The following ZNF827 variants were observed in gnomAD, a reference collection of about 807,000 sequenced individuals.
ZNF827 encodes zinc finger protein 827.
ZNF827 carries 13 observed loss-of-function variants against 102.4 expected under a neutral mutation model. The ratio of observed to expected loss-of-function variants is 0.13; its 90% CI spans 0.08 to 0.20. ZNF827 has a LOEUF of 0.20. ZNF827 is among the 10% of genes least tolerant of loss of function. The pLI is 1.00. For synonymous variants in ZNF827, 523 were observed against 536.2 expected (o/e 0.98, Z 0.34); for missense variants, 1,103 against 1,344.4 (o/e 0.82, Z 2.81).
intron 7 of ZNF827, among the ~76,000 whole-genome samples, chr4:145,828,250 TCTGAATCCTCAG>T (rs1316423956): frequency 3.3e-5 from 5 of 152,288 alleles, no homozygotes; most frequent in Non-Finnish European, 5.9e-5. Context: ...AGCCCTTGCT[TCTGAATCCTCAG>T]CTGCCTAGAC....
chr4:145,886,269 T>A, intron 3 of ZNF827, 111 bp from the exon 4 acceptor site: 2 of 1,440,058 alleles, frequency 1.4e-6, no homozygotes, highest in Non-Finnish European at 9.1e-7. Flanking sequence ...AGGGCTGGCC[T>A]TTGTACTGCA....
chr4:145,785,090 G>A (rs1054089243), intron 8 of ZNF827, among the ~76,000 whole-genome samples: 7 of 152,144 alleles, frequency 4.6e-5, no homozygotes, highest in African/African-American at 1.4e-4. Context: ...AAGCAAATAG[G>A]TGTGTAGGAT....
intron 1 of ZNF827, among the ~76,000 whole-genome samples, chr4:145,934,518 G>A (rs1398059486): frequency 6.6e-6 from 1 of 152,248 alleles, no homozygotes; most frequent in Non-Finnish European, 1.5e-5. Context: ...AACAGAAGGA[G>A]CTGGGAAACC....
intron 1 of ZNF827, among the ~76,000 whole-genome samples, chr4:145,907,907 T>C (rs948467503): frequency 6.6e-6 from 1 of 152,248 alleles, no homozygotes; most frequent in Non-Finnish European, 1.5e-5. Context: ...GAATAAATTT[T>C]GTTTCCATGT....
At position 145,902,290 on chromosome 4, in the gene ZNF827, T is replaced by C. The variant is rs1751483321; in HGVS notation, c.969A>G (p.Lys323=). 6.3e-7 allele frequency: 1 copy of C among 1,591,560 alleles called. No individual in the cohort carries two copies. Among genetic ancestry groups the C allele is most frequent in the South Asian group, 1.2e-5 (1 of 86,250 alleles). The change falls in exon 2 of 15, where the codon AAA becomes AAG. Residue 323 remains lysine (K), a synonymous_variant. Transcript: ENST00000508784. This position sits in a 1 kb window ranked among gnomAD's most constrained non-coding sequence, Gnocchi z 4.3. ...GAGGTGGCGGAGTGACTTTTTCTGGTTTCTTCTCTGAAGGCGGGGGCGGTA... is the reference window on the plus strand; with the variant it reads ...GAGGTGGCGGAGTGACTTTTTCTGGCTTCTTCTCTGAAGGCGGGGGCGGTA... ...DPLPPPPSEK[K]PEKVTPPPPP... is the part of the protein sequence containing the mutation.
chr4:145,770,745 T>TA (rs1454580680), intron 11 of ZNF827, among the ~76,000 whole-genome samples: 1 of 152,202 alleles, frequency 6.6e-6, no homozygotes, highest in African/African-American at 2.4e-5. Flanking sequence ...TCTACTTAAA[T>TA]AGTACCTTAA....
intron 8 of ZNF827, among the ~76,000 whole-genome samples, chr4:145,797,434 A>G (rs1381522933): frequency 6.6e-6 from 1 of 152,174 alleles, no homozygotes; most frequent in Non-Finnish European, 1.5e-5. Flanking sequence ...TAATCTTTCT[A>G]TCAAGTTACA....
chr4:145,835,852 A>G (rs574973058), intron 7 of ZNF827, among the ~76,000 whole-genome samples: 1 of 151,148 alleles, frequency 6.6e-6, no homozygotes, highest in South Asian at 2.1e-4. Flanking sequence ...ACCTGTCCTA[A>G]AACCAGACAA....
chr4:145,894,747 T>C (rs999520414), intron 2 of ZNF827, among the ~76,000 whole-genome samples: 7 of 152,178 alleles, frequency 4.6e-5, no homozygotes, highest in Admixed American at 2.0e-4. Flanking sequence ...GCACACCTTG[T>C]AGACACATAT....
chr4:145,812,508 T>C (rs1579261448), intron 8 of ZNF827, among the ~76,000 whole-genome samples: 2 of 145,758 alleles, frequency 1.4e-5, no homozygotes, highest in East Asian at 3.9e-4. Context: ...TATTTATTTA[T>C]TTATTTATTT....
chr4:145,853,624 A>C (rs910672039), intron 5 of ZNF827, among the ~76,000 whole-genome samples: 1 of 152,162 alleles, frequency 6.6e-6, no homozygotes, highest in Admixed American at 6.5e-5. Context: ...ACAAAAAAAA[A>C]CTACAAGATA....
chr4:145,923,396 G>A (rs1010451326), intron 1 of ZNF827, among the ~76,000 whole-genome samples: 1 of 151,824 alleles, frequency 6.6e-6, no homozygotes, highest in East Asian at 1.9e-4. Flanking sequence ...CCTGAGGCCA[G>A]GAGTTTGAGA....
chr4:145,902,021 T>C lies in ZNF827; in HGVS notation c.1093+145A>G, dbSNP rs1751452270. 9.9e-7 allele frequency: 1 copy of C among 1,005,906 alleles called. No homozygotes were observed. The highest frequency in any genetic ancestry group is 3.1e-5 in the Admixed American group (1 of 32,574). The allele number at this position is 1,005,906 out of a possible 1,614,324, so 62.3% of individuals were successfully genotyped here. A position where few individuals can be genotyped will look rare whatever the true frequency, so the allele number is the denominator to read the frequency against. ...GTACATGAAAGACTACTATGCTGCT[T>C]ACTTAAAGTATTTTTGTTGTGCTCT... On this transcript the variant is annotated intron_variant, in intron 2 of 14. Transcript: ENST00000508784. The surrounding 1 kb of genome is among the most constrained non-coding windows in gnomAD (Gnocchi z 4.3).
chr4:145,813,303 AGAT>A (rs1432220337), intron 8 of ZNF827, among the ~76,000 whole-genome samples: 2 of 152,212 alleles, frequency 1.3e-5, no homozygotes, highest in Non-Finnish European at 2.9e-5. Flanking sequence ...TAGTGCAAGA[AGAT>A]CTTTTGAGAG....
At chr4:145,859,656 C>T (rs1432346143) in intron 5 of ZNF827, among the ~76,000 whole-genome samples, 8 of 152,152 alleles carry the variant, frequency 5.3e-5, no homozygotes, top group Non-Finnish European at 7.4e-5. Flanking sequence ...GTAGTGTAAG[C>T]GACTCATTTT....
intron 8 of ZNF827, 125 bp from the exon 9 acceptor site, chr4:145,779,636 C>T (rs757872166): frequency 7.7e-6 from 10 of 1,298,654 alleles, no homozygotes; most frequent in East Asian, 2.5e-5. Context: ...GCAAATGAGT[C>T]TCCGTAACTG....
intron 5 of ZNF827, among the ~76,000 whole-genome samples, chr4:145,850,834 A>C (rs1381114057): frequency 6.6e-6 from 1 of 152,228 alleles, no homozygotes; most frequent in Non-Finnish European, 1.5e-5. Context: ...GTGGTCCCCC[A>C]AAAGAAACAT....
chr4:145,891,218 G>C lies in ZNF827; in HGVS notation c.1266+1025C>G, dbSNP rs540111017. On this transcript the variant is annotated intron_variant, in intron 3 of 14. Transcript: ENST00000508784. ...ACTTCCATTGAAAATTCCTGTGTCA[G>C]ATATTTGGTTAATATTCTCTCCTTA... 3.9e-5 allele frequency among the ~76,000 whole-genome samples: 6 copies of C among 152,304 alleles called. No individual in the cohort carries two copies. The South Asian group carries it at 1.0e-3, about 26-fold the overall frequency.
intron 1 of ZNF827, among the ~76,000 whole-genome samples, chr4:145,921,939 T>C (rs1020046308): frequency 2.0e-5 from 3 of 152,166 alleles, no homozygotes; most frequent in Non-Finnish European, 2.9e-5. Context: ...TACATACATA[T>C]TTACAAGAAA....
Sources: gnomAD v4.1 joint callset for allele counts (sites outside exome capture counted in the v4.1 genomes callset) on GRCh38, gnomAD v4.1.1 for gene constraint, Gnocchi (gnomAD v3.1) non-coding constraint, MANE v1.5 for transcripts, NCBI Gene and HGNC (gene_info 2026-07-23, HGNC 2026-07-21) for gene names.